The following PADI6 variants were observed in gnomAD, a reference collection of about 807,000 sequenced individuals.
PADI6 encodes the protein peptidyl arginine deiminase 6, also known as inactive protein-arginine deiminase type-6.
A neutral mutation model predicts 78.2 loss-of-function variants in PADI6; 66 were observed. The observed-to-expected ratio is 0.84, with a 90% CI of 0.69 to 1.04. The LOEUF (loss-of-function observed/expected upper bound fraction) is 1.04. Ranked by LOEUF, PADI6 falls within the 50% of genes least tolerant of loss-of-function variation. The probability of loss-of-function intolerance (pLI) is 0.00; values close to 1 mark genes in which losing one functional copy is unlikely to be tolerated. For missense variants in PADI6, 854 were observed against 866.1 expected (o/e 0.99, Z 0.18); for synonymous variants, 397 against 346.9 (o/e 1.14, Z -1.60).
chr1:17,379,457 A>G (rs1055749254), intron 3 of PADI6, among the ~76,000 whole-genome samples: 1 of 151,972 alleles, frequency 6.6e-6, no homozygotes, highest in African/African-American at 2.4e-5. Context: ...CGATTTCACC[A>G]TGTTGCCCAG....
chr1:17,382,134 C>T (rs773094687), intron 6 of PADI6, 42 bp downstream of exon 6: 23 of 1,604,778 alleles, frequency 1.4e-5, no homozygotes, highest in Admixed American at 8.5e-5. Flanking sequence ...CTGCTCTCGA[C>T]GTGCCAGGCA....
chr1:17,396,659 C>G (rs561189244), intron 13 of PADI6, among the ~76,000 whole-genome samples: 1 of 152,200 alleles, frequency 6.6e-6, no homozygotes, highest in African/African-American at 2.4e-5. Context: ...ATAAATTGGG[C>G]ATCCCTGTCC....
intron 9 of PADI6, among the ~76,000 whole-genome samples, chr1:17,393,589 G>A (rs577055983): frequency 6.6e-6 from 1 of 152,274 alleles, no homozygotes; most frequent in African/African-American, 2.4e-5. Context: ...TGCAGCCTCT[G>A]CCTCCTCCTG....
At position 17,388,792 on chromosome 1, in the gene PADI6, G is replaced by A. The variant is rs901612543; in HGVS notation, c.874G>A (p.Val292Met). 3 of 1,613,626 alleles carry A rather than the reference G, an allele frequency of 1.9e-6. No homozygotes were observed. Among genetic ancestry groups the A allele is most frequent in the African/African-American group, 2.7e-5 (2 of 75,052 alleles). ...ESQDPSIPET[V>M]LYKDTVVFRV... ...CTTGTTGCAGTCAATTCCAGAGACT[G>A]TGCTGTACAAAGACACGGTGGTGTT... The change falls in exon 8 of 16, where the codon GTG (valine) becomes ATG (methionine). Residue 292 changes from valine to methionine, a missense_variant. By Grantham distance (21) the Val-to-Met change is conservative. Transcript: ENST00000619609.
intron 9 of PADI6, among the ~76,000 whole-genome samples, chr1:17,393,507 AGAAAG>A (rs2075212441): frequency 4.6e-5 from 7 of 152,226 alleles, no homozygotes; most frequent in Admixed American, 3.9e-4. Context: ...TTACGAAAGA[AGAAAG>A]GAAGAATCTG....
intron 12 of PADI6, 112 bp from the exon 13 acceptor site, chr1:17,395,428 T>G: frequency 7.3e-7 from 1 of 1,375,096 alleles, no homozygotes; most frequent in Non-Finnish European, 9.8e-7. Flanking sequence ...GGTCTCGAAC[T>G]TCTGACCTCA....
chr1:17,383,835 AT>A (rs961221822), intron 6 of PADI6, among the ~76,000 whole-genome samples: 2 of 151,000 alleles, frequency 1.3e-5, no homozygotes, highest in South Asian at 2.1e-4. Flanking sequence ...CAAAAAAATA[AT>A]TTTTTTAAAA....
chr1:17,395,639 A>G lies in PADI6; in HGVS notation c.1594A>G (p.Arg532Gly), dbSNP rs1230216597. The change falls in exon 13 of 16, where the codon AGA becomes GGA. Residue 532 changes from arginine to glycine, a missense_variant. By Grantham distance (125) the Arg-to-Gly change is moderately radical. Transcript: ENST00000619609. The part of the protein sequence containing the change: ...YGDALLFDEL[R>G]ADQLLSNGRE... ...CGACGCTCTTCTGTTTGATGAGCTT[A>G]GAGCAGATCAGCTCCTGTCTAATGG... is the stretch of plus-strand genomic sequence containing the variant. The G allele has an allele frequency of 1.2e-6, 2 of 1,611,418 alleles. No individual in the cohort carries two copies. The highest frequency in any genetic ancestry group is 2.7e-5 in the African/African-American group (2 of 74,926).
At chr1:17,399,286 G>A (rs994244554) in intron 15 of PADI6, among the ~76,000 whole-genome samples, 4 of 152,198 alleles carry the variant, frequency 2.6e-5, no homozygotes, top group Admixed American at 2.6e-4. Context: ...CTGATACATA[G>A]AGGTACATCA....
At position 17,392,198 on chromosome 1, in the gene PADI6, C is replaced by T; in HGVS notation, c.1047C>T (p.Asp349=). 1 of 1,557,858 alleles carries T rather than the reference C, an allele frequency of 6.4e-7. No individual in the cohort carries two copies. Among genetic ancestry groups the T allele is most frequent in the Non-Finnish European group, 8.7e-7 (1 of 1,150,562 alleles). ...SNSQVASVYE[D]PNRLGRWLQD... ...GCCAGGTGGCATCTGTCTATGAGGACCCCAACCGCCTGGGCAGGTGGCTCC... is the reference window on the plus strand; with the variant it reads ...GCCAGGTGGCATCTGTCTATGAGGATCCCAACCGCCTGGGCAGGTGGCTCC... Residue 349 remains aspartate (D), a synonymous_variant, in exon 9 of 16, where the codon GAC becomes GAT. Transcript: ENST00000619609.
chr1:17,377,115 C>T (rs180993483), intron 3 of PADI6, among the ~76,000 whole-genome samples: 10 of 152,168 alleles, frequency 6.6e-5, no homozygotes, highest in Admixed American at 6.5e-4. Flanking sequence ...GCTGGGACTA[C>T]AGGCACGCAC....
At chr1:17,393,541 G>A (rs776788570) in intron 9 of PADI6, among the ~76,000 whole-genome samples, 8 of 152,106 alleles carry the variant, frequency 5.3e-5, no homozygotes, top group African/African-American at 9.7e-5. Flanking sequence ...AGTCTTTTTC[G>A]CCCAGACTGG....
intron 3 of PADI6, among the ~76,000 whole-genome samples, chr1:17,378,481 C>A (rs115859016): frequency 0.016 from 2,416 of 152,282 alleles, 70 homozygotes; most frequent in African/African-American, 0.054. Flanking sequence ...GAACAAAAGA[C>A]CACACTGGAG....
chr1:17,376,201 C>T (rs2075014324), intron 3 of PADI6, among the ~76,000 whole-genome samples: 1 of 151,556 alleles, frequency 6.6e-6, no homozygotes, highest in African/African-American at 2.4e-5. Context: ...TCTCGAACTC[C>T]TGACCTCGCG....
intron 15 of PADI6, among the ~76,000 whole-genome samples, chr1:17,399,340 T>C (rs2075279392): frequency 6.6e-6 from 1 of 151,940 alleles, no homozygotes; most frequent in South Asian, 2.1e-4. Context: ...GGCTCATGCC[T>C]GTAATCCCAA....
chr1:17,379,111 A>ATTTTTTTTTTTTT (rs144547124), intron 3 of PADI6, among the ~76,000 whole-genome samples: 3 of 100,812 alleles, frequency 3.0e-5, no homozygotes, highest in African/African-American at 5.8e-5. Flanking sequence ...TGCCCAGTTA[A>ATTTTTTTTTTTTT]TTTTTTTTTT....
intron 9 of PADI6, 93 bp downstream of exon 9, chr1:17,392,318 C>T: frequency 1.1e-5 from 10 of 947,354 alleles, no homozygotes; most frequent in South Asian, 4.7e-5. Flanking sequence ...TCTGGTTAAC[C>T]TTAAAGACCG....
intron 8 of PADI6, among the ~76,000 whole-genome samples, chr1:17,389,166 A>T (rs1281607580): frequency 4.6e-5 from 7 of 152,168 alleles, no homozygotes; most frequent in Admixed American, 4.6e-4. Flanking sequence ...GAAGATGGAG[A>T]GGTCAGGATG....
intron 14 of PADI6, 28 bp downstream of exon 14, chr1:17,397,169 C>A: frequency 6.2e-7 from 1 of 1,611,848 alleles, no homozygotes; most frequent in South Asian, 1.1e-5. Context: ...GGGGCCATCC[C>A]CAAGAAAGAG....
Sources: allele counts gnomAD v4.1 joint callset (sites outside exome capture counted in the v4.1 genomes callset), GRCh38; gene constraint gnomAD v4.1.1; transcripts MANE v1.5; gene names NCBI Gene and HGNC (gene_info 2026-07-23, HGNC 2026-07-21).